The following AP3S2 variants were observed in gnomAD, a reference collection of about 807,000 sequenced individuals.
AP3S2 encodes the protein AP-3 complex subunit sigma-2.
A neutral mutation model predicts 23.4 loss-of-function variants in AP3S2; 22 were observed. That is an observed-to-expected ratio of 0.94 (90% CI 0.67 to 1.34). The LOEUF (loss-of-function observed/expected upper bound fraction) is 1.34. AP3S2 is among the 40% of genes most tolerant of loss of function. AP3S2 has a pLI of 0.00. For synonymous variants in AP3S2, 86 were observed against 87.1 expected (o/e 0.99, Z 0.07); for missense variants, 241 against 236.9 (o/e 1.02, Z -0.11).
chr15:89,858,522 AG>A (rs1408724267), intron 4 of AP3S2, among the ~76,000 whole-genome samples: 70 of 47,050 alleles, frequency 1.5e-3, no homozygotes, highest in Admixed American at 2.9e-3. Flanking sequence ...AGAGAGAGAG[AG>A]AGAAAGAAAG....
intron 4 of AP3S2, among the ~76,000 whole-genome samples, chr15:89,844,269 TTCTCTC>T (rs796817436): frequency 1.1e-3 from 13 of 12,100 alleles, no homozygotes; most frequent in African/African-American, 3.3e-3. Context: ...CTTTCTTTCT[TTCTCTC>T]TCTCTCTCTT....
chr15:89,883,196 T>C (rs1479277128), intron 3 of AP3S2, among the ~76,000 whole-genome samples: 3 of 152,224 alleles, frequency 2.0e-5, no homozygotes, highest in Non-Finnish European at 4.4e-5. Flanking sequence ...TTTAATTTTG[T>C]TGGCTTTATC....
chr15:89,870,205 C>G (rs1220268343), intron 4 of AP3S2, among the ~76,000 whole-genome samples: 1 of 152,060 alleles, frequency 6.6e-6, no homozygotes, highest in Admixed American at 6.6e-5. Flanking sequence ...ACAGAAGTTG[C>G]AAAATAGCAA....
At chr15:89,878,301 C>G in intron 3 of AP3S2, 1 of 658,576 alleles carries the variant, frequency 1.5e-6, no homozygotes, top group Non-Finnish European at 2.7e-6. Context: ...CCAGATGTAC[C>G]TACATAAAGC....
chr15:89,851,928 G>T (rs1895665653), intron 4 of AP3S2, among the ~76,000 whole-genome samples: 1 of 152,100 alleles, frequency 6.6e-6, no homozygotes, highest in Non-Finnish European at 1.5e-5. Flanking sequence ...TACAGAAAAA[G>T]ATCCAGACCT....
chr15:89,876,700 G>A (rs1269420061), intron 3 of AP3S2: 2 of 153,220 alleles, frequency 1.3e-5, no homozygotes, highest in African/African-American at 4.8e-5. Context: ...TAGCTGGGAG[G>A]ATGGACTAGG....
chr15:89,887,874 T>C (rs1264924928), intron 3 of AP3S2, among the ~76,000 whole-genome samples: 66 of 152,202 alleles, frequency 4.3e-4, no homozygotes, highest in Non-Finnish European at 5.9e-5. Context: ...TTTCACCACA[T>C]TGGCCAGGTT....
intron 4 of AP3S2, among the ~76,000 whole-genome samples, chr15:89,866,869 T>C (rs1896136313): frequency 6.6e-6 from 1 of 152,120 alleles, no homozygotes; most frequent in Non-Finnish European, 1.5e-5. Flanking sequence ...CACAGGTGCC[T>C]GATAAAAAAG....
Position 89,888,624 on chromosome 15 carries a change from C to A in AP3S2, c.170G>T (p.Gly57Val). ...CNFLEGGSLIGGSDYKLIYRH... is the reference protein window; with the variant it reads ...CNFLEGGSLIVGSDYKLIYRH... ...GTAGATCAGTTTGTAGTCAGAGCCA[C>A]CAATCAAACTGCAGAAGATGGGAAA... Residue 57 changes from glycine to valine, a missense_variant, in exon 3 of 6, where the codon GGT (glycine) becomes GTT (valine). Physicochemically the swap from Gly to Val is moderately radical, Grantham distance 109 (BLOSUM62 -3). Transcript: ENST00000336418. 1 of 1,614,068 alleles carries A rather than the reference C, an allele frequency of 6.2e-7. No homozygotes were observed. Among genetic ancestry groups the A allele is most frequent in the Non-Finnish European group, 8.5e-7 (1 of 1,179,996 alleles).
intron 4 of AP3S2, among the ~76,000 whole-genome samples, chr15:89,849,582 T>C (rs779990161): frequency 1.3e-5 from 2 of 152,122 alleles, no homozygotes; most frequent in Non-Finnish European, 2.9e-5. Flanking sequence ...TTAGCCAGGA[T>C]GGTCTCGATC....
chr15:89,886,249 G>A (rs1896698781), intron 3 of AP3S2, among the ~76,000 whole-genome samples: 1 of 152,244 alleles, frequency 6.6e-6, no homozygotes, highest in African/African-American at 2.4e-5. Flanking sequence ...GCTGAGTAAG[G>A]CAGGAGAATC....
chr15:89,849,260 G>A (rs139054313), intron 4 of AP3S2, among the ~76,000 whole-genome samples: 198 of 152,250 alleles, frequency 1.3e-3, no homozygotes, highest in African/African-American at 3.6e-3. Context: ...CTTTAAAAGC[G>A]TATTACACAC....
At chr15:89,875,738 C>T (rs937880192) in intron 3 of AP3S2, among the ~76,000 whole-genome samples, 3 of 152,154 alleles carry the variant, frequency 2.0e-5, no homozygotes, top group African/African-American at 7.2e-5. Context: ...TGCTTGGGCT[C>T]ACAAGTTTGA....
chr15:89,892,347 T>C (rs1241575530), intron 1 of AP3S2, among the ~76,000 whole-genome samples: 5 of 152,134 alleles, frequency 3.3e-5, no homozygotes, highest in Non-Finnish European at 5.9e-5. Context: ...TCTGTGAACA[T>C]GCTAAAAAAC....
At chr15:89,850,590 A>G (rs898510248) in intron 4 of AP3S2, 63 of 153,454 alleles carry the variant, frequency 4.1e-4, no homozygotes, top group African/African-American at 1.4e-3. Context: ...TGTATTTAGA[A>G]TTTTTCATTT....
chr15:89,884,223 C>G (rs1896640274), intron 3 of AP3S2, among the ~76,000 whole-genome samples: 1 of 152,114 alleles, frequency 6.6e-6, no homozygotes, highest in East Asian at 1.9e-4. Flanking sequence ...TCAGCAACTA[C>G]TAATTTTTAT....
At position 89,888,644 on chromosome 15, in the gene AP3S2, G is replaced by A; in HGVS notation, c.162-12C>T. 6.2e-7 allele frequency: 1 copy of A among 1,611,728 alleles called. No individual in the cohort carries two copies. ...AGCCACCAATCAAACTGCAGAAGAT[G>A]GGAAACATTTAAATGCCCACAGCTT... On this transcript the variant is annotated splice_polypyrimidine_tract_variant and intron_variant, in intron 2 of 5. Coordinates refer to ENST00000336418, the MANE Select transcript of AP3S2 (RefSeq NM_005829.5).
chr15:89,850,624 A>T (rs1275294442), intron 4 of AP3S2: 1 of 153,764 alleles, frequency 6.5e-6, no homozygotes, highest in East Asian at 1.9e-4. Context: ...GGACAAATGG[A>T]TAGAGTTGAA....
In AP3S2 at chr15:89,833,549, C is replaced by G. The variant is rs1238898811; in HGVS notation, c.*1966G>C. ...GAATGATCTTGCTCATGCCAACTTA[C>G]AGAAGGTACGAAATAAACGCCGATC... On this transcript the variant is annotated 3_prime_UTR_variant, in exon 6 of 6. Coordinates refer to ENST00000336418, the MANE Select transcript of AP3S2 (RefSeq NM_005829.5). The G allele has an allele frequency of 6.6e-6, 1 of 152,216 alleles. No individual in the cohort carries two copies. Among genetic ancestry groups the G allele is most frequent in the African/African-American group, 2.4e-5 (1 of 41,444 alleles). 9.4% of individuals were successfully genotyped at this position (152,216 alleles called of 1,614,324 possible).
Sources: gnomAD v4.1 joint callset for allele counts (sites outside exome capture counted in the v4.1 genomes callset) on GRCh38, gnomAD v4.1.1 for gene constraint, MANE v1.5 for transcripts, NCBI Gene and HGNC (gene_info 2026-07-23, HGNC 2026-07-21) for gene names.